PIK3C2G: variants seen among roughly 807,000 people sequenced by gnomAD.
PIK3C2G encodes the protein phosphatidylinositol 3-kinase C2 domain-containing subunit gamma.
In PIK3C2G, 168 loss-of-function variants were observed where a neutral mutation model predicts 181.1. The observed-to-expected ratio is 0.93, with a 90% CI of 0.82 to 1.05. The LOEUF (loss-of-function observed/expected upper bound fraction) is 1.05, where lower values mean the gene tolerates loss of function less well. Ranked by LOEUF, PIK3C2G falls within the 50% of genes least tolerant of loss-of-function variation. PIK3C2G has a pLI of 0.00. For synonymous variants in PIK3C2G, 573 were observed against 592.2 expected (o/e 0.97, Z 0.47); for missense variants, 1,869 against 1,732.8 (o/e 1.08, Z -1.40).
rs373616818 is a variant in PIK3C2G at position 18,515,212 on chromosome 12, G to A, written c.3323+9751G>A. Reference sequence around the variant, plus strand: ...TCTTTTTTTGTTGTGTGCTTCTCTGGTATTGGAACTAGTGTAATGCTGGCC... The same window carrying A: ...TCTTTTTTTGTTGTGTGCTTCTCTGATATTGGAACTAGTGTAATGCTGGCC... On this transcript the variant is annotated intron_variant, in intron 24 of 32. Coordinates refer to ENST00000538779, the MANE Select transcript of PIK3C2G (RefSeq NM_001288772.2). Among the ~76,000 whole-genome samples the A allele has an allele frequency of 1.8e-4, 27 of 151,896 alleles. No individual in the cohort carries two copies. In the South Asian group the frequency reaches 4.6e-3, roughly 26 times the overall value.
At chr12:18,599,897 G>A (rs897305719) in intron 30 of PIK3C2G, among the ~76,000 whole-genome samples, 6 of 151,860 alleles carry the variant, frequency 4.0e-5, no homozygotes, top group South Asian at 4.1e-4. Context: ...AAAGATAGGC[G>A]CAGTTATGAC....
chr12:18,303,857 T>C (rs1950311865), intron 5 of PIK3C2G, among the ~76,000 whole-genome samples: 1 of 152,158 alleles, frequency 6.6e-6, no homozygotes. Context: ...TCAAATTTTA[T>C]ATGTTTGATT....
intron 30 of PIK3C2G, among the ~76,000 whole-genome samples, chr12:18,609,169 A>C (rs541925121): frequency 6.6e-6 from 1 of 152,196 alleles, no homozygotes; most frequent in South Asian, 2.1e-4. Context: ...AGGTTCACTG[A>C]TTTCTAAAGG....
intron 26 of PIK3C2G, among the ~76,000 whole-genome samples, chr12:18,558,533 T>C (rs1476610179): frequency 6.6e-6 from 1 of 152,236 alleles, no homozygotes; most frequent in Non-Finnish European, 1.5e-5. Context: ...CTTATGCAAT[T>C]GTGCCCTTTA....
At chr12:18,550,616 A>G (rs1944679485) in intron 26 of PIK3C2G, among the ~76,000 whole-genome samples, 1 of 152,100 alleles carries the variant, frequency 6.6e-6, no homozygotes, top group South Asian at 2.1e-4. Context: ...TGATAAAAGT[A>G]TATTATATAC....
chr12:18,546,622 T>A (rs574814275), intron 26 of PIK3C2G, among the ~76,000 whole-genome samples, 190 bp downstream of exon 26: 12 of 152,154 alleles, frequency 7.9e-5, no homozygotes, highest in Non-Finnish European at 1.5e-4. Context: ...TTAGTCAGTG[T>A]TTCTGCAGCA....
chr12:18,672,728 T>C, the PIK3C2G span, among the ~76,000 whole-genome samples: 1,823 of 151,952 alleles, frequency 0.012, 27 homozygotes, highest in African/African-American at 0.042. Context: ...GGGAGGAAAA[T>C]TGAGGAATAG....
At chr12:18,532,263 A>C (rs1383917555) in intron 24 of PIK3C2G, among the ~76,000 whole-genome samples, 1 of 152,144 alleles carries the variant, frequency 6.6e-6, no homozygotes, top group Non-Finnish European at 1.5e-5. Context: ...GAATTTTTAA[A>C]ATAGACACTC....
intron 31 of PIK3C2G, among the ~76,000 whole-genome samples, chr12:18,625,472 G>A (rs188896534): frequency 4.6e-5 from 7 of 151,802 alleles, no homozygotes; most frequent in African/African-American, 1.7e-4. Flanking sequence ...TTCTGTGTGT[G>A]CTTAAGAGAA....
intron 1 of PIK3C2G, among the ~76,000 whole-genome samples, chr12:18,266,378 G>A (rs1483515715): frequency 1.3e-5 from 2 of 152,000 alleles, no homozygotes; most frequent in African/African-American, 4.8e-5. Flanking sequence ...TTGTAAGACA[G>A]AACACTTAAC....
intron 13 of PIK3C2G, among the ~76,000 whole-genome samples, chr12:18,379,117 A>G (rs2137944007): frequency 6.6e-6 from 1 of 152,230 alleles, no homozygotes; most frequent in Non-Finnish European, 1.5e-5. Context: ...ACCAACCCAA[A>G]TGTCCATCAG....
chr12:18,399,843 T>C lies in PIK3C2G; in HGVS notation c.2311T>C (p.Ser771Pro). ...QPLEALGLLT[S>P]SFPDQEIRKV... The stretch of plus-strand genomic sequence containing the variant: ...TTTAGAGGCTCTTGGGCTTTTGACT[T>C]CCAGGTAAGAATTGCATAACAAGCA... Residue 771 changes from serine to proline, a missense_variant, in exon 16 of 33, where the codon TCC (serine) becomes CCC (proline). By Grantham distance (74) the Ser-to-Pro change is moderately conservative. Transcript: ENST00000538779. The C allele has an allele frequency of 6.4e-7, 1 of 1,568,608 alleles. No individual in the cohort carries two copies. Among genetic ancestry groups the C allele is most frequent in the Non-Finnish European group, 8.7e-7 (1 of 1,148,888 alleles).
chr12:18,708,253 CATAA>C, the PIK3C2G span, among the ~76,000 whole-genome samples: 1 of 152,128 alleles, frequency 6.6e-6, no homozygotes, highest in Admixed American at 6.6e-5. Flanking sequence ...CTAAATTCCA[CATAA>C]AAGTGAGATC....
intron 18 of PIK3C2G, among the ~76,000 whole-genome samples, chr12:18,438,735 C>A (rs921348540): frequency 1.3e-5 from 2 of 151,832 alleles, no homozygotes; most frequent in Non-Finnish European, 3.0e-5. Flanking sequence ...AGAGGGAGAA[C>A]AAGATTTGGA....
chr12:18,553,814 T>A (rs1592566055), intron 26 of PIK3C2G, among the ~76,000 whole-genome samples: 2 of 152,250 alleles, frequency 1.3e-5, no homozygotes, highest in African/African-American at 4.8e-5. Flanking sequence ...TTCTCTTGTA[T>A]CCCTCTTTGT....
At chr12:18,418,041 A>G (rs930062640) in intron 16 of PIK3C2G, among the ~76,000 whole-genome samples, 4 of 152,222 alleles carry the variant, frequency 2.6e-5, no homozygotes, top group African/African-American at 9.6e-5. Flanking sequence ...TATCATCATG[A>G]TCAATGCATT....
chr12:18,381,879 A>T lies in PIK3C2G; in HGVS notation c.1994A>T (p.Gln665Leu). The T allele has an allele frequency of 6.3e-7, 1 of 1,577,078 alleles. No homozygotes were observed. The highest frequency in any genetic ancestry group is 2.2e-5 in the East Asian group (1 of 44,686). ...DVSQPSPVTL[Q>L]IDFPATGWEY... The stretch of plus-strand genomic sequence containing the variant: ...AGTCAGCCATCCCCGGTGACCCTGC[A>T]GGTAAGTGCCAGGCTAAAAGATTAA... Residue 665 changes from glutamine (Q) to leucine (L), a missense_variant and splice_region_variant, in exon 14 of 33, where the codon CAG becomes CTG. Physicochemically the swap from Gln to Leu is moderately radical, Grantham distance 113. Transcript: ENST00000538779.
intron 5 of PIK3C2G, among the ~76,000 whole-genome samples, chr12:18,303,670 G>C (rs375492280): frequency 2.6e-5 from 4 of 152,068 alleles, no homozygotes; most frequent in African/African-American, 9.7e-5. Flanking sequence ...AAGTCTTTCT[G>C]TCTAATTTAA....
intron 18 of PIK3C2G, among the ~76,000 whole-genome samples, chr12:18,447,724 G>C (rs1045337299): frequency 6.6e-6 from 1 of 151,888 alleles, no homozygotes; most frequent in Admixed American, 6.6e-5. Context: ...TTAAACCTTG[G>C]AGACAAAATT....
Sources: allele counts gnomAD v4.1 joint callset (sites outside exome capture counted in the v4.1 genomes callset), GRCh38; gene constraint gnomAD v4.1.1; transcripts MANE v1.5; gene names NCBI Gene and HGNC (gene_info 2026-07-23, HGNC 2026-07-21).